Variants in CLYBL observed in about 807,000 individuals in gnomAD.
CLYBL encodes citramalyl-CoA lyase, also known as citramalyl-CoA lyase, mitochondrial.
Under a neutral mutation model 38.9 loss-of-function variants are expected in CLYBL, and 31 were observed. That is an observed-to-expected ratio of 0.80 (90% CI 0.60 to 1.08). The LOEUF (loss-of-function observed/expected upper bound fraction) is 1.08, where lower values mean the gene tolerates loss of function less well. Among genes scored for constraint, CLYBL ranks in the 50% least tolerant of loss-of-function variants. The pLI is 0.00. For synonymous variants in CLYBL, 171 were observed against 158.6 expected, an observed-to-expected ratio of 1.08 and a Z score of -0.59; for missense variants, 434 against 411.6, an observed-to-expected ratio of 1.05 and a Z score of -0.47.
chr13:99,784,724 G>A (rs1034913891), intron 2 of CLYBL, among the ~76,000 whole-genome samples: 5 of 151,972 alleles, frequency 3.3e-5, no homozygotes, highest in Admixed American at 3.3e-4. Context: ...GAAGTGCTGG[G>A]ATTATAGGCG....
intron 2 of CLYBL, among the ~76,000 whole-genome samples, chr13:99,833,421 T>A (rs1021054157): frequency 1.3e-5 from 2 of 152,090 alleles, no homozygotes; most frequent in African/African-American, 4.8e-5. Flanking sequence ...TATATTACAT[T>A]AGAATCTTTG....
chr13:99,814,625 G>GATA (rs2050406270), intron 2 of CLYBL, among the ~76,000 whole-genome samples: 1 of 151,982 alleles, frequency 6.6e-6, no homozygotes, highest in Admixed American at 6.6e-5. Context: ...CCACTTGGGA[G>GATA]GCTGAGACAG....
At chr13:99,814,156 G>T (rs1285688250) in intron 2 of CLYBL, among the ~76,000 whole-genome samples, 1 of 152,078 alleles carries the variant, frequency 6.6e-6, no homozygotes, top group Non-Finnish European at 1.5e-5. Context: ...AAATTATATT[G>T]AAGATGATTA....
At chr13:99,800,084 A>G (rs926540478) in intron 2 of CLYBL, among the ~76,000 whole-genome samples, 1 of 152,226 alleles carries the variant, frequency 6.6e-6, no homozygotes, top group Non-Finnish European at 1.5e-5. Flanking sequence ...AAGAACGTGC[A>G]GTTTGTCGTC....
intron 1 of CLYBL, among the ~76,000 whole-genome samples, chr13:99,735,186 GTTGT>G (rs1334045984): frequency 1.3e-5 from 2 of 152,046 alleles, no homozygotes; most frequent in East Asian, 1.9e-4. Flanking sequence ...TTTTGTTGTT[GTTGT>G]TTGTTTGCTT....
At chr13:99,846,473 C>T (rs2051209329) in intron 2 of CLYBL, among the ~76,000 whole-genome samples, 2 of 152,106 alleles carry the variant, frequency 1.3e-5, no homozygotes, top group African/African-American at 4.8e-5. Context: ...CACGTACCTG[C>T]AGGAAGTATT....
intron 7 of CLYBL, among the ~76,000 whole-genome samples, chr13:99,884,104 C>T (rs921412576): frequency 6.6e-6 from 1 of 152,202 alleles, no homozygotes; most frequent in Non-Finnish European, 1.5e-5. Context: ...GCGATCTTCC[C>T]CACTCAGCCC....
At chr13:99,842,647 C>T (rs1435349798) in intron 2 of CLYBL, among the ~76,000 whole-genome samples, 1 of 152,134 alleles carries the variant, frequency 6.6e-6, no homozygotes, top group African/African-American at 2.4e-5. Flanking sequence ...CTAATATGAA[C>T]TCAGAACCAA....
chr13:99,635,116 C>G (rs568845055), intron 1 of CLYBL, among the ~76,000 whole-genome samples: 69 of 152,220 alleles, frequency 4.5e-4, no homozygotes, highest in African/African-American at 1.6e-3. Context: ...AGGACACCAT[C>G]GTGTGCTCTG....
intron 1 of CLYBL, among the ~76,000 whole-genome samples, chr13:99,686,780 G>A (rs898538099): frequency 1.3e-5 from 2 of 152,150 alleles, no homozygotes; most frequent in African/African-American, 4.8e-5. Flanking sequence ...AGCATTGAAC[G>A]AATAGCATCA....
At chr13:99,722,738 G>C (rs902480599) in intron 1 of CLYBL, among the ~76,000 whole-genome samples, 14 of 152,198 alleles carry the variant, frequency 9.2e-5, no homozygotes, top group African/African-American at 3.4e-4. Context: ...AGAGAATAGG[G>C]CTTCTTCTAT....
intron 2 of CLYBL, among the ~76,000 whole-genome samples, chr13:99,850,034 C>T (rs1398051103): frequency 1.3e-5 from 2 of 152,142 alleles, no homozygotes; most frequent in Non-Finnish European, 2.9e-5. Context: ...ATAGCTAAAA[C>T]TATTAAACTC....
At chr13:99,753,629 A>T (rs1375134111) in intron 1 of CLYBL, among the ~76,000 whole-genome samples, 1 of 152,220 alleles carries the variant, frequency 6.6e-6, no homozygotes, top group East Asian at 1.9e-4. Context: ...TACATTTATT[A>T]AAATGACTTA....
intron 1 of CLYBL, among the ~76,000 whole-genome samples, chr13:99,754,814 G>A (rs1252731950): frequency 7.0e-5 from 10 of 142,262 alleles, no homozygotes; most frequent in Admixed American, 3.8e-4. Flanking sequence ...GACTGGTCTC[G>A]AACTCCTGAC....
intron 2 of CLYBL, among the ~76,000 whole-genome samples, chr13:99,847,667 C>T (rs757825481): frequency 1.3e-5 from 2 of 152,184 alleles, no homozygotes; most frequent in African/African-American, 2.4e-5. Context: ...CTGAGAAACC[C>T]ACGTACAGAT....
chr13:99,785,048 A>G (rs2049756570), intron 2 of CLYBL, among the ~76,000 whole-genome samples: 1 of 151,216 alleles, frequency 6.6e-6, no homozygotes, highest in Admixed American at 6.6e-5. Flanking sequence ...GTGCACCACC[A>G]CACCTGGCTA....
rs1411819589 is a variant in CLYBL, at chr13:99,662,491, G to A, written c.62+55734G>A. Among the ~76,000 whole-genome samples, 7 of 140,422 alleles carry A rather than the reference G, an allele frequency of 5.0e-5. No individual in the cohort carries two copies. The Admixed American group carries it at 5.1e-4, about 10-fold the overall frequency. The allele number at this position is 140,422 out of a possible 152,430, so 92.1% of individuals were successfully genotyped here. On this transcript the variant is annotated intron_variant, in intron 1 of 8. Coordinates refer to ENST00000339105, the MANE Select transcript of CLYBL (RefSeq NM_206808.5). Reference sequence around the variant, plus strand: ...TTTATGCTTTAAAAAATAGATTTGTGTATTCCAAATCTTTAAAACTTTTTT... The same window carrying A: ...TTTATGCTTTAAAAAATAGATTTGTATATTCCAAATCTTTAAAACTTTTTT...
intron 2 of CLYBL, among the ~76,000 whole-genome samples, chr13:99,820,126 G>T (rs2050558864): frequency 6.6e-6 from 1 of 152,152 alleles, no homozygotes; most frequent in South Asian, 2.1e-4. Flanking sequence ...TCTCGCGGAG[G>T]CTGCTGTGTC....
intron 1 of CLYBL, among the ~76,000 whole-genome samples, chr13:99,623,926 T>G (rs1314803291): frequency 3.7e-5 from 5 of 136,570 alleles, no homozygotes; most frequent in African/African-American, 1.4e-4. Context: ...GCCACTGCAC[T>G]CCAGCCTGGG....
Sources: allele counts gnomAD v4.1 joint callset (sites outside exome capture counted in the v4.1 genomes callset), GRCh38; gene constraint gnomAD v4.1.1; transcripts MANE v1.5; gene names NCBI Gene and HGNC (gene_info 2026-07-23, HGNC 2026-07-21).